PDXDC1: variants seen among roughly 807,000 people sequenced by gnomAD.
PDXDC1 encodes the protein pyridoxal-dependent decarboxylase domain-containing protein 1.
PDXDC1 carries 42 observed loss-of-function variants against 100.1 expected under a neutral mutation model. The ratio of observed to expected loss-of-function variants is 0.42; its 90% CI spans 0.33 to 0.54. The LOEUF (loss-of-function observed/expected upper bound fraction) is 0.54, where lower values mean the gene tolerates loss of function less well. Ranked by LOEUF, PDXDC1 falls within the 20% of genes least tolerant of loss-of-function variation. The probability of loss-of-function intolerance (pLI) is 0.10; values close to 1 mark genes in which losing one functional copy is unlikely to be tolerated. For missense variants in PDXDC1, 636 were observed against 979.2 expected, an observed-to-expected ratio of 0.65 and a Z score of 4.68; for synonymous variants, 260 against 371.7, an observed-to-expected ratio of 0.70 and a Z score of 3.46.
At chr16:15,044,370 T>G in intron 16 of PDXDC1, 1 of 1,613,460 alleles carries the variant, frequency 6.2e-7, no homozygotes, top group Non-Finnish European at 8.5e-7. Flanking sequence ...GACAACTGCC[T>G]GTCGTCACTG....
chr16:15,035,611 T>TG (rs1204860950), intron 22 of PDXDC1, 58 bp downstream of exon 22: 37 of 991,820 alleles, frequency 3.7e-5, no homozygotes, highest in Non-Finnish European at 5.4e-5. Flanking sequence ...GACTGTTACT[T>TG]GCGTTTGTTT....
intron 1 of PDXDC1, among the ~76,000 whole-genome samples, chr16:14,980,536 A>G (rs1325448934): frequency 1.3e-5 from 2 of 152,378 alleles, no homozygotes; most frequent in South Asian, 2.1e-4. Context: ...CCTAGGCTGG[A>G]GTGCAGTGGC....
chr16:15,039,853 G>C, downstream of PDXDC1: 1 of 678,186 alleles, frequency 1.5e-6, no homozygotes, highest in South Asian at 1.7e-5. Context: ...CCCTGATAAT[G>C]TACGGCTATA....
chr16:15,042,718 C>T (rs1227723491), downstream of PDXDC1, among the ~76,000 whole-genome samples: 2 of 147,004 alleles, frequency 1.4e-5, no homozygotes, highest in Non-Finnish European at 3.0e-5. Flanking sequence ...AAAGGATGAA[C>T]TATTTATTTA....
At chr16:15,084,627 G>C (rs199766272) in intron 16 of PDXDC1, 1 of 1,557,028 alleles carries the variant, frequency 6.4e-7, no homozygotes, top group Non-Finnish European at 8.8e-7. Flanking sequence ...TCAAAATAAG[G>C]AAAAGTATAC....
intron 13 of PDXDC1, chr16:15,026,417 A>C: frequency 3.6e-6 from 2 of 560,066 alleles, no homozygotes; most frequent in Non-Finnish European, 6.2e-6. Context: ...ACCAGGGTCA[A>C]ACATCTTATA....
chr16:15,068,713 G>A (rs2045087591), intron 16 of PDXDC1, among the ~76,000 whole-genome samples: 1 of 152,238 alleles, frequency 6.6e-6, no homozygotes, highest in Non-Finnish European at 1.5e-5. Flanking sequence ...CAGGTGCACA[G>A]TAGTCATCTG....
At chr16:15,140,444 T>A (rs1598290965), downstream of PDXDC1, among the ~76,000 whole-genome samples, 2 of 92,060 alleles carry the variant, frequency 2.2e-5, no homozygotes, top group Admixed American at 3.2e-4. Flanking sequence ...TGAAGCTCCA[T>A]CTCAAAAAAA....
intron 16 of PDXDC1, among the ~76,000 whole-genome samples, chr16:15,092,276 C>T (rs2046164226): frequency 6.6e-6 from 1 of 152,068 alleles, no homozygotes; most frequent in Non-Finnish European, 1.5e-5. Context: ...AGAGGTGAAA[C>T]CTCAGTAAAG....
intron 16 of PDXDC1, chr16:15,061,343 A>G (rs1181895275): frequency 5.4e-6 from 1 of 185,014 alleles, no homozygotes; most frequent in Non-Finnish European, 1.1e-5. Context: ...AAAGCTCATC[A>G]GTCAAGTCCT....
intron 16 of PDXDC1, among the ~76,000 whole-genome samples, chr16:15,030,294 C>T (rs1332111509): frequency 6.6e-6 from 1 of 152,244 alleles, no homozygotes; most frequent in East Asian, 1.9e-4. Flanking sequence ...CCTGTAATCC[C>T]AGCACCTTGG....
downstream of PDXDC1, chr16:15,040,032 T>A (rs14347): frequency 2.5e-6 from 4 of 1,610,160 alleles, no homozygotes; most frequent in Non-Finnish European, 3.4e-6. Context: ...CTTGAAAGGA[T>A]GCTCTGTAAA....
chr16:15,089,061 GGGA>G (rs1488224227), intron 16 of PDXDC1, among the ~76,000 whole-genome samples: 2 of 152,144 alleles, frequency 1.3e-5, no homozygotes, highest in Non-Finnish European at 2.9e-5. Context: ...CCAGCACTTT[GGGA>G]GGCTGAGGCG....
intron 16 of PDXDC1, among the ~76,000 whole-genome samples, chr16:15,064,023 C>G (rs1344098482): frequency 6.6e-6 from 1 of 152,190 alleles, no homozygotes; most frequent in Non-Finnish European, 1.5e-5. Flanking sequence ...ACCAAGACTT[C>G]AGGGACCAGA....
At position 15,086,084 on chromosome 16, in the gene PDXDC1, T is replaced by C. The variant is rs371584742; in HGVS notation, c.1400-52795T>C. 26 of 1,565,200 alleles carry C rather than the reference T, an allele frequency of 1.7e-5. No homozygotes were observed. The African/African-American group carries it at 3.3e-4, about 20-fold the overall frequency. On this transcript the variant is annotated intron_variant, in intron 16 of 16. Coordinates refer to the PDXDC1 transcript ENST00000535621. ...ATATAAGGGGAAGGTAGTATTTTAA[T>C]AAAGAAGTATTAAAAAGAAAATAAA...
At chr16:15,051,863 T>A (rs2044305591) in intron 16 of PDXDC1, among the ~76,000 whole-genome samples, 1 of 152,210 alleles carries the variant, frequency 6.6e-6, no homozygotes, top group Admixed American at 6.5e-5. Context: ...GCCACCACAC[T>A]TGGCTAATTT....
chr16:15,129,210 T>C (rs1255908497), intron 16 of PDXDC1, among the ~76,000 whole-genome samples: 1 of 151,800 alleles, frequency 6.6e-6, no homozygotes, highest in Non-Finnish European at 1.5e-5. Context: ...GGCTCACACC[T>C]GTCATCCCAG....
rs975667243 is a variant in PDXDC1 at position 15,036,977 on chromosome 16, G to A, written c.*702G>A. 8.5e-5 allele frequency: 13 copies of A among 152,392 alleles called. No individual in the cohort carries two copies. Among genetic ancestry groups the A allele is most frequent in the African/African-American group, 3.1e-4 (13 of 41,438 alleles). 9.4% of individuals were successfully genotyped at this position (152,392 alleles called of 1,614,324 possible). A position where few individuals can be genotyped will look rare whatever the true frequency, so the allele number is the denominator to read the frequency against. ...CCATATATTTTTAAATACTGGCAAA[G>A]CTTTTAAAATTGGCACACAAGTACA... On this transcript the variant is annotated 3_prime_UTR_variant, in exon 23 of 23. Coordinates refer to ENST00000396410, the MANE Select transcript of PDXDC1 (RefSeq NM_015027.4).
the PDXDC1 span, among the ~76,000 whole-genome samples, chr16:15,151,424 CAAAAAAAAAAAAA>C: frequency 6.9e-5 from 1 of 14,444 alleles, no homozygotes; most frequent in Non-Finnish European, 1.5e-4. Flanking sequence ...GACTCCGTCT[CAAAAAAAAAAAAA>C]AAAAAAAAAA....
Sources: allele counts gnomAD v4.1 joint callset (sites outside exome capture counted in the v4.1 genomes callset), GRCh38; gene constraint gnomAD v4.1.1; transcripts MANE v1.5; gene names NCBI Gene and HGNC (gene_info 2026-07-23, HGNC 2026-07-21).